Variants in PTDSS2 observed in about 807,000 individuals in gnomAD.
PTDSS2 encodes phosphatidylserine synthase 2, also known as PSS-2.
In PTDSS2, 41 loss-of-function variants were observed where a neutral mutation model predicts 64.7. That is an observed-to-expected ratio of 0.63 (90% CI 0.49 to 0.82). The LOEUF is 0.82. Ranked by LOEUF, PTDSS2 falls within the 40% of genes least tolerant of loss-of-function variation. The probability of loss-of-function intolerance (pLI) is 0.00; values close to 1 mark genes in which losing one functional copy is unlikely to be tolerated. For synonymous variants in PTDSS2, 297 were observed against 277.8 expected (o/e 1.07, Z -0.69); for missense variants, 485 against 650.0 (o/e 0.75, Z 2.76).
At position 489,674 on chromosome 11, in the gene PTDSS2, C is replaced by T. The variant is rs758458755; in HGVS notation, c.1056C>T (p.Val352=). ...PEHYLVLLRL[V]FFVNVGGVAM... ...ACTACCTGGTCCTCCTGCGGCTCGT[C>T]TTCTTCGTGAACGTGGGTGGCGTGG... Residue 352 remains valine (V), a synonymous_variant, in exon 10 of 12, where the codon GTC becomes GTT. Coordinates refer to ENST00000308020, the MANE Select transcript of PTDSS2 (RefSeq NM_030783.3). 1 of 1,601,056 alleles carries T rather than the reference C, an allele frequency of 6.2e-7. No homozygotes were observed. Among genetic ancestry groups the T allele is most frequent in the South Asian group, 1.1e-5 (1 of 89,468 alleles).
chr11:457,157 G>T (rs1216230318), intron 1 of PTDSS2, among the ~76,000 whole-genome samples: 1 of 152,208 alleles, frequency 6.6e-6, no homozygotes. Context: ...CCAGCCTGGA[G>T]CCTCCACCTG....
At chr11:459,077 ACCTGGGTT>A (rs1846741533) in intron 1 of PTDSS2, 1 of 117,586 alleles carries the variant, frequency 8.5e-6, no homozygotes, top group South Asian at 2.4e-4. Context: ...TGAATGTAGG[ACCTGGGTT>A]AGACGTGAGG....
At chr11:482,186 C>T (rs946994373) in intron 4 of PTDSS2, among the ~76,000 whole-genome samples, 1 of 150,374 alleles carries the variant, frequency 6.7e-6, no homozygotes, top group African/African-American at 2.4e-5. Flanking sequence ...TGCCCAGAAC[C>T]TCCAGCTCAA....
At chr11:477,693 G>A (rs1847873349) in intron 3 of PTDSS2, among the ~76,000 whole-genome samples, 1 of 152,228 alleles carries the variant, frequency 6.6e-6, no homozygotes, top group South Asian at 2.1e-4. Context: ...GGTTTCATGG[G>A]TGTAGCTGTC....
intron 4 of PTDSS2, among the ~76,000 whole-genome samples, chr11:485,660 G>T: frequency 6.8e-6 from 1 of 147,484 alleles, no homozygotes; most frequent in East Asian, 2.1e-4. Context: ...CTCACTGTGC[G>T]CAGGCGAGTT....
chr11:451,277 G>C (rs539608861), intron 1 of PTDSS2: 1 of 391,108 alleles, frequency 2.6e-6, no homozygotes, highest in South Asian at 1.7e-5. Context: ...CCCCCTGTCC[G>C]CCACTCTGCC....
chr11:454,866 G>C (rs1204122175), intron 1 of PTDSS2, among the ~76,000 whole-genome samples: 1 of 152,214 alleles, frequency 6.6e-6, no homozygotes, highest in East Asian at 1.9e-4. Context: ...TGTGGAACTT[G>C]GTGCTGGTGG....
chr11:488,063 A>C, intron 6 of PTDSS2, 136 bp from the exon 7 acceptor site: 1 of 611,678 alleles, frequency 1.6e-6, no homozygotes, highest in East Asian at 2.8e-5. Context: ...TGGGGGCTGC[A>C]CGCACCCGTG....
chr11:460,343 G>A lies in PTDSS2; in HGVS notation c.284+55G>A, dbSNP rs150687079. ...AACTGCCCTGTGCCCCGTGTGGTGG[G>A]TGTGGCACCCTTACTGCTCGGGCTG... On this transcript the variant is annotated intron_variant, in intron 2 of 11. Coordinates refer to ENST00000308020, the MANE Select transcript of PTDSS2 (RefSeq NM_030783.3). The surrounding 1 kb of genome is among the most constrained non-coding windows in gnomAD (Gnocchi z 5.8). The A allele has an allele frequency of 8.2e-6, 12 of 1,468,520 alleles. No homozygotes were observed. The African/African-American group carries it at 1.3e-4, about 15-fold the overall frequency. The allele number at this position is 1,468,520 out of a possible 1,614,324, so 91.0% of individuals were successfully genotyped here.
In PTDSS2 at chr11:466,401, C is replaced by T. The variant is rs71487289; in HGVS notation, c.284+6113C>T. Among the ~76,000 whole-genome samples, 182 of 120,782 alleles carry T rather than the reference C, an allele frequency of 1.5e-3. 2 individuals are homozygous for T. Among genetic ancestry groups the T allele is most frequent in the African/African-American group, 5.5e-3 (175 of 31,842 alleles). 79.2% of individuals were successfully genotyped at this position (120,782 alleles called of 152,430 possible). On this transcript the variant is annotated intron_variant, in intron 2 of 11. Coordinates refer to ENST00000308020, the MANE Select transcript of PTDSS2 (RefSeq NM_030783.3). ...AACGGGCACAGGAAAAACTGCCACT[C>T]TTTTTTTTTTTTTTTTTTTTTTGAG...
intron 1 of PTDSS2, among the ~76,000 whole-genome samples, chr11:453,574 G>C (rs909548680): frequency 6.6e-6 from 1 of 152,244 alleles, no homozygotes; most frequent in Non-Finnish European, 1.5e-5. Context: ...TCTGGAAGAT[G>C]CCTTTCTCCA....
intron 3 of PTDSS2, among the ~76,000 whole-genome samples, chr11:475,484 ATAT>A (rs1232819830): frequency 6.6e-6 from 1 of 151,644 alleles, no homozygotes; most frequent in African/African-American, 2.4e-5. Flanking sequence ...TGATACAGAC[ATAT>A]TCACGCGTTT....
Position 450,648 on chromosome 11 carries a change from T to C in PTDSS2, c.182+11T>C. ...CAACACCTTCTTCTGGTGAGGGCAG[T>C]GGGCGGCCGCGGGGCGGCGAGGGTG... On this transcript the variant is annotated intron_variant, in intron 1 of 11. Transcript: ENST00000308020. 2 of 1,243,148 alleles carry C rather than the reference T, an allele frequency of 1.6e-6. No individual in the cohort carries two copies. Among genetic ancestry groups the C allele is most frequent in the African/African-American group, 1.6e-5 (1 of 64,334 alleles). The allele number at this position is 1,243,148 out of a possible 1,614,324, so 77.0% of individuals were successfully genotyped here. A position where few individuals can be genotyped will look rare whatever the true frequency, so the allele number is the denominator to read the frequency against.
At chr11:464,123 T>C (rs1177808764) in intron 2 of PTDSS2, among the ~76,000 whole-genome samples, 3 of 151,940 alleles carry the variant, frequency 2.0e-5, no homozygotes, top group Non-Finnish European at 4.4e-5. Flanking sequence ...GCTGGGACTA[T>C]AGCCGTGCAC....
At chr11:473,683 G>A (rs552814710) in intron 2 of PTDSS2, among the ~76,000 whole-genome samples, 11 of 152,312 alleles carry the variant, frequency 7.2e-5, no homozygotes, top group Admixed American at 5.2e-4. Context: ...CCGCGGAGGC[G>A]GCAAATGTGA....
intron 2 of PTDSS2, among the ~76,000 whole-genome samples, chr11:466,916 G>A (rs868415985): frequency 1.3e-5 from 2 of 152,110 alleles, no homozygotes; most frequent in East Asian, 3.9e-4. Flanking sequence ...TTAGCCAGGC[G>A]TGGTGGTGCA....
rs1224952029 is a variant in PTDSS2, at chr11:470,881, C to T, written c.285-3014C>T. 6.6e-6 allele frequency among the ~76,000 whole-genome samples: 1 copy of T among 152,126 alleles called. No homozygotes were observed. The highest frequency in any genetic ancestry group is 6.5e-5 in the Admixed American group (1 of 15,268). On this transcript the variant is annotated intron_variant, in intron 2 of 11. Transcript: ENST00000308020. The surrounding 1 kb of genome is among the most constrained non-coding windows in gnomAD (Gnocchi z 5.3). ...GGGATTACAGGCGTGAGCCACCGCA[C>T]CCAGCCAGCACCGGCTTATTAATGG...
chr11:458,464 C>T (rs1355811797), intron 1 of PTDSS2, among the ~76,000 whole-genome samples: 3 of 150,656 alleles, frequency 2.0e-5, no homozygotes, highest in African/African-American at 7.3e-5. Flanking sequence ...CTCGGCCTCC[C>T]AAAGTGCTGG....
Position 490,705 on chromosome 11 carries a change from G to A in PTDSS2, c.*123G>A. 1 of 1,056,560 alleles carries A rather than the reference G, an allele frequency of 9.5e-7. No homozygotes were observed. The highest frequency in any genetic ancestry group is 1.3e-6 in the Non-Finnish European group (1 of 749,418). The allele number at this position is 1,056,560 out of a possible 1,614,324, so 65.4% of individuals were successfully genotyped here. On this transcript the variant is annotated 3_prime_UTR_variant, in exon 12 of 12. Transcript: ENST00000308020. ...TCAAGGTTTTTTGCTTTTCTCCTGT[G>A]CACCTGGCGAGGCTGAAGGCGAGGG...
Sources: allele counts gnomAD v4.1 joint callset (sites outside exome capture counted in the v4.1 genomes callset), GRCh38; gene constraint gnomAD v4.1.1; non-coding constraint Gnocchi (gnomAD v3.1); transcripts MANE v1.5; gene names NCBI Gene and HGNC (gene_info 2026-07-23, HGNC 2026-07-21).